ADAMTSL3: variants seen among roughly 807,000 people sequenced by gnomAD.
The protein encoded by ADAMTSL3 is ADAMTS-like protein 3.
In ADAMTSL3, 128 loss-of-function variants were observed where a neutral mutation model predicts 201.7. That is an observed-to-expected ratio of 0.63 (90% CI 0.55 to 0.73). The LOEUF (loss-of-function observed/expected upper bound fraction) is 0.73, where lower values mean the gene tolerates loss of function less well. Ranked by LOEUF, ADAMTSL3 falls within the 30% of genes least tolerant of loss-of-function variation. The pLI is 0.00. For synonymous variants in ADAMTSL3, 738 were observed against 748.4 expected (o/e 0.99, Z 0.23); for missense variants, 1,990 against 2,119.6 (o/e 0.94, Z 1.20).
At chr15:83,971,918 T>C (rs1280096212) in intron 20 of ADAMTSL3, among the ~76,000 whole-genome samples, 1 of 148,186 alleles carries the variant, frequency 6.7e-6, no homozygotes, top group Non-Finnish European at 1.5e-5. Flanking sequence ...ATATATATGT[T>C]ATATATATAT....
chr15:83,702,264 A>G (rs1326058040), intron 2 of ADAMTSL3, among the ~76,000 whole-genome samples: 1 of 152,270 alleles, frequency 6.6e-6, no homozygotes, highest in Non-Finnish European at 1.5e-5. Flanking sequence ...AAAGGGAAAC[A>G]GAACATAAAA....
chr15:83,801,920 T>C (rs2141856309), intron 4 of ADAMTSL3, among the ~76,000 whole-genome samples: 1 of 151,686 alleles, frequency 6.6e-6, no homozygotes, highest in African/African-American at 2.4e-5. Flanking sequence ...TACATCCTGA[T>C]TATAACTTAA....
At chr15:83,768,861 A>G (rs1260098037) in intron 3 of ADAMTSL3, among the ~76,000 whole-genome samples, 1 of 152,216 alleles carries the variant, frequency 6.6e-6, no homozygotes, top group Non-Finnish European at 1.5e-5. Context: ...ATTACTCTCC[A>G]GAGAAATAAT....
At chr15:83,930,515 A>C (rs2066336018) in intron 17 of ADAMTSL3, among the ~76,000 whole-genome samples, 1 of 152,182 alleles carries the variant, frequency 6.6e-6, no homozygotes, top group African/African-American at 2.4e-5. Flanking sequence ...TTCATGCATC[A>C]GCCTGTGTAC....
intron 6 of ADAMTSL3, among the ~76,000 whole-genome samples, chr15:83,827,485 T>G (rs2064050640): frequency 6.6e-6 from 1 of 152,226 alleles, no homozygotes; most frequent in Non-Finnish European, 1.5e-5. Flanking sequence ...GATGGTAGTT[T>G]CTTTTGCTGT....
chr15:84,014,914 C>T (rs2068064232), intron 24 of ADAMTSL3, among the ~76,000 whole-genome samples, 190 bp downstream of exon 24: 1 of 151,690 alleles, frequency 6.6e-6, no homozygotes, highest in Non-Finnish European at 1.5e-5. Context: ...ATTCCCAGCA[C>T]CTAACACAGA....
At chr15:83,968,355 G>A (rs1239441996) in intron 19 of ADAMTSL3, among the ~76,000 whole-genome samples, 1 of 152,174 alleles carries the variant, frequency 6.6e-6, no homozygotes, top group Non-Finnish European at 1.5e-5. Context: ...CCATCAAAAA[G>A]TGGGTGAAGG....
At chr15:83,729,516 T>C in intron 3 of ADAMTSL3, among the ~76,000 whole-genome samples, 1 of 152,060 alleles carries the variant, frequency 6.6e-6, no homozygotes, top group South Asian at 2.1e-4. Context: ...TTTCCTCTGC[T>C]TGATCATTTC....
At chr15:83,832,072 G>A (rs1184614478) in intron 6 of ADAMTSL3, among the ~76,000 whole-genome samples, 2 of 152,170 alleles carry the variant, frequency 1.3e-5, no homozygotes, top group Non-Finnish European at 2.9e-5. Context: ...CAGGTAGGAA[G>A]GGGTAAATAT....
At chr15:83,939,863 C>G (rs1005437134) in intron 17 of ADAMTSL3, among the ~76,000 whole-genome samples, 1 of 152,186 alleles carries the variant, frequency 6.6e-6, no homozygotes, top group South Asian at 2.1e-4. Flanking sequence ...CTCAGGTGAC[C>G]TGCCCACCTC....
At position 83,723,194 on chromosome 15, in the gene ADAMTSL3, A is replaced by G. The variant is rs150602738; in HGVS notation, c.189+18686A>G. Among the ~76,000 whole-genome samples the G allele has an allele frequency of 1.4e-4, 21 of 152,294 alleles. No individual in the cohort carries two copies. In the East Asian group the frequency reaches 4.0e-3, roughly 29 times the overall value. ...AGTGACTGGTTAATAATCATATGGA[A>G]AGATTCAACTTTATTTCTAATCAAT... On this transcript the variant is annotated intron_variant, in intron 3 of 29. Transcript: ENST00000286744.
chr15:83,908,182 T>C (rs2065874369), intron 15 of ADAMTSL3, among the ~76,000 whole-genome samples: 1 of 152,230 alleles, frequency 6.6e-6, no homozygotes, highest in Non-Finnish European at 1.5e-5. Context: ...GATGTTTAAG[T>C]GCTTCTGTAT....
chr15:83,960,798 A>T (rs527997737), intron 19 of ADAMTSL3, among the ~76,000 whole-genome samples: 1 of 152,336 alleles, frequency 6.6e-6, no homozygotes, highest in Non-Finnish European at 1.5e-5. Flanking sequence ...ATGGATGTAA[A>T]GTCTCCTAGC....
At chr15:83,836,164 C>G (rs1255170285) in intron 6 of ADAMTSL3, among the ~76,000 whole-genome samples, 3 of 152,266 alleles carry the variant, frequency 2.0e-5, no homozygotes, top group South Asian at 2.1e-4. Context: ...TCTCAAAAGT[C>G]ATTGGATTAA....
chr15:83,820,321 G>T (rs570418629), intron 6 of ADAMTSL3, among the ~76,000 whole-genome samples: 1 of 151,960 alleles, frequency 6.6e-6, no homozygotes, highest in Non-Finnish European at 1.5e-5. Context: ...CAGGTGATTC[G>T]CCTGCCTCAG....
intron 20 of ADAMTSL3, among the ~76,000 whole-genome samples, chr15:83,978,755 G>A (rs935206108): frequency 4.6e-5 from 7 of 152,218 alleles, no homozygotes; most frequent in Non-Finnish European, 1.0e-4. Context: ...CAGTCAAAAT[G>A]CCCCATACCC....
At chr15:83,858,498 G>A (rs565810428) in intron 7 of ADAMTSL3, among the ~76,000 whole-genome samples, 6 of 152,034 alleles carry the variant, frequency 3.9e-5, no homozygotes, top group Non-Finnish European at 5.9e-5. Context: ...TCAGCCTCCC[G>A]GGTAGCTGGG....
intron 12 of ADAMTSL3, 57 bp downstream of exon 12, chr15:83,891,436 A>T: frequency 7.0e-7 from 1 of 1,419,236 alleles, no homozygotes; most frequent in Non-Finnish European, 1.0e-6. Context: ...AAGGAACTGT[A>T]GCATCTGTAG....
rs183909104 is a variant in ADAMTSL3 at position 83,865,311 on chromosome 15, C to T, written c.803-5491C>T. On this transcript the variant is annotated intron_variant, in intron 8 of 29. Transcript: ENST00000286744. Reference sequence around the variant, plus strand: ...AAAGAGCCCACATTGCCAAGTCAATCGTAACCCAAAAGAACAAAGCTGGGG... The same window carrying T: ...AAAGAGCCCACATTGCCAAGTCAATTGTAACCCAAAAGAACAAAGCTGGGG... Among the ~76,000 whole-genome samples, 6 of 152,242 alleles carry T rather than the reference C, an allele frequency of 3.9e-5. No homozygotes were observed. In the East Asian group the frequency reaches 7.7e-4, roughly 20 times the overall value.
Sources: allele counts gnomAD v4.1 joint callset (sites outside exome capture counted in the v4.1 genomes callset), GRCh38; gene constraint gnomAD v4.1.1; transcripts MANE v1.5; gene names NCBI Gene and HGNC (gene_info 2026-07-23, HGNC 2026-07-21).